SOS1: variants seen among roughly 807,000 people sequenced by gnomAD.
The protein encoded by SOS1 is SOS Ras/Rac guanine nucleotide exchange factor 1.
SOS1 carries 25 observed loss-of-function variants against 157.6 expected under a neutral mutation model. The ratio of observed to expected loss-of-function variants is 0.16; its 90% CI spans 0.12 to 0.22. The LOEUF is 0.22. Ranked by LOEUF, SOS1 falls within the 10% of genes least tolerant of loss-of-function variation. SOS1 has a pLI of 1.00. For missense variants in SOS1, 1,237 were observed against 1,599.1 expected (o/e 0.77, Z 3.86); for synonymous variants, 528 against 534.0 (o/e 0.99, Z 0.16).
intron 14 of SOS1, 148 bp from the exon 15 acceptor site, chr2:39,010,851 C>G: frequency 4.9e-6 from 3 of 610,246 alleles, no homozygotes; most frequent in Non-Finnish European, 8.6e-6. Context: ...CAAGGTATAA[C>G]AAAAAAGTGT....
intron 6 of SOS1, among the ~76,000 whole-genome samples, chr2:39,037,429 TCA>T (rs1670395368): frequency 6.6e-6 from 1 of 152,210 alleles, no homozygotes; most frequent in African/African-American, 2.4e-5. Flanking sequence ...ACAGTTCCTT[TCA>T]GTTTATTTTA....
chr2:39,110,563 A>G (rs1673387790), intron 1 of SOS1, among the ~76,000 whole-genome samples: 1 of 152,136 alleles, frequency 6.6e-6, no homozygotes, highest in South Asian at 2.1e-4. Context: ...AAAAAAAAAA[A>G]GAAGAGGGTT....
At chr2:39,057,255 TG>T (rs1671243746) in intron 3 of SOS1, among the ~76,000 whole-genome samples, 1 of 152,142 alleles carries the variant, frequency 6.6e-6, no homozygotes, top group Non-Finnish European at 1.5e-5. Flanking sequence ...AATATATTAT[TG>T]GTATCTAGGA....
chr2:38,995,695 T>C (rs1039092765), intron 19 of SOS1, among the ~76,000 whole-genome samples: 5 of 152,222 alleles, frequency 3.3e-5, no homozygotes, highest in Non-Finnish European at 5.9e-5. Flanking sequence ...TATATTTCCC[T>C]GGTTTTTAAA....
chr2:39,032,799 T>C (rs1324981749), intron 8 of SOS1, among the ~76,000 whole-genome samples: 5 of 151,982 alleles, frequency 3.3e-5, no homozygotes, highest in Non-Finnish European at 7.4e-5. Context: ...CTGTCTCTAC[T>C]AAAAATACAA....
At chr2:39,121,506 C>T (rs1425349172), upstream of SOS1, among the ~76,000 whole-genome samples, 1 of 152,144 alleles carries the variant, frequency 6.6e-6, no homozygotes, top group Non-Finnish European at 1.5e-5. Flanking sequence ...GTGGTCTTTC[C>T]ACAAAATAAT....
intron 17 of SOS1, among the ~76,000 whole-genome samples, chr2:39,002,896 A>G (rs1028710250): frequency 2.0e-5 from 3 of 151,912 alleles, no homozygotes; most frequent in Non-Finnish European, 2.9e-5. Flanking sequence ...GAAACCCTGT[A>G]TCTACAAAAA....
At chr2:39,003,976 TA>T (rs545294540) in intron 17 of SOS1, among the ~76,000 whole-genome samples, 2 of 151,602 alleles carry the variant, frequency 1.3e-5, no homozygotes, top group African/African-American at 4.8e-5. Context: ...TTAGGACAAT[TA>T]AAAAAAAATT....
At chr2:39,110,339 A>G (rs1673375671) in intron 1 of SOS1, among the ~76,000 whole-genome samples, 1 of 152,106 alleles carries the variant, frequency 6.6e-6, no homozygotes, top group African/African-American at 2.4e-5. Flanking sequence ...TATAGATGCA[A>G]TTTCCCCCCA....
intron 8 of SOS1, chr2:39,034,973 TAAAA>T (rs902767903): frequency 5.4e-6 from 3 of 551,192 alleles, no homozygotes; most frequent in Admixed American, 3.1e-5. Context: ...AAACCAAAAA[TAAAA>T]AAAAGAAAAA....
Position 39,051,008 on chromosome 2 carries a change from T to C in SOS1, c.864+136A>G. The C allele has an allele frequency of 1.8e-5, 15 of 816,074 alleles. 1 individual carries two copies. In the South Asian group the frequency reaches 2.0e-4, roughly 11 times the overall value. 50.6% of individuals were successfully genotyped at this position (816,074 alleles called of 1,614,324 possible). On this transcript the variant is annotated intron_variant, in intron 6 of 22. Transcript: ENST00000402219. The stretch of plus-strand genomic sequence containing the variant: ...GAAACATATGTTGACAATGACCCTA[T>C]GAAAAAGGAGCAATAACAGATAAAT...
At chr2:39,045,043 A>G (rs928169018) in intron 6 of SOS1, among the ~76,000 whole-genome samples, 2 of 152,156 alleles carry the variant, frequency 1.3e-5, no homozygotes, top group African/African-American at 4.8e-5. Context: ...TTATGTAAAG[A>G]GTTGTTATAC....
chr2:39,098,955 T>A (rs943689276), intron 1 of SOS1, among the ~76,000 whole-genome samples: 4 of 152,156 alleles, frequency 2.6e-5, no homozygotes, highest in African/African-American at 9.7e-5. Flanking sequence ...GCAAAGGATC[T>A]GAACAGATAT....
intron 1 of SOS1, among the ~76,000 whole-genome samples, chr2:39,097,510 T>C (rs1672813308): frequency 1.3e-5 from 2 of 152,174 alleles, no homozygotes; most frequent in Admixed American, 1.3e-4. Context: ...TTCTGATGCT[T>C]GATAAAGTTT....
chr2:39,022,804 T>A lies in SOS1; in HGVS notation c.1624A>T (p.Ile542Leu). 3 of 1,613,644 alleles carry A rather than the reference T, an allele frequency of 1.9e-6. No homozygotes were observed. Among genetic ancestry groups the A allele is most frequent in the Non-Finnish European group, 2.5e-6 (3 of 1,179,638 alleles). ...EEKNNWMAAL[I>L]SLQYRSTLER... ...AGTGTACTCCGGTACTGTAAAGATA[T>A]CAATGCTGCCATCCAATTGTTTTTC... is the stretch of plus-strand genomic sequence containing the variant. The change falls in exon 10 of 23, where the codon ATA becomes TTA. Residue 542 changes from isoleucine (I) to leucine (L), a missense_variant. This residue lies in a region of SOS1 where 210 missense variants were observed against 220.2 expected (regional missense o/e 0.95). Transcript: ENST00000402219.
At chr2:39,070,671 G>A (rs1033953846) in intron 1 of SOS1, among the ~76,000 whole-genome samples, 1 of 152,114 alleles carries the variant, frequency 6.6e-6, no homozygotes, top group African/African-American at 2.4e-5. Context: ...AAGAACTTAA[G>A]TATTTTAGAA....
intron 8 of SOS1, among the ~76,000 whole-genome samples, chr2:39,031,256 C>T (rs1670149790): frequency 6.6e-6 from 1 of 152,048 alleles, no homozygotes; most frequent in Non-Finnish European, 1.5e-5. Context: ...TTACAAGGAC[C>T]CAGCATACAA....
At chr2:39,042,957 A>G (rs1015065027) in intron 6 of SOS1, among the ~76,000 whole-genome samples, 1 of 152,118 alleles carries the variant, frequency 6.6e-6, no homozygotes, top group Non-Finnish European at 1.5e-5. Context: ...CTATATAGAT[A>G]ATTATATTGA....
At chr2:39,060,105 C>T (rs946528357) in intron 2 of SOS1, among the ~76,000 whole-genome samples, 5 of 151,986 alleles carry the variant, frequency 3.3e-5, no homozygotes, top group Admixed American at 6.5e-5. Context: ...TTTCTTTTTT[C>T]CAAGTTTATT....
Sources: allele counts gnomAD v4.1 joint callset (sites outside exome capture counted in the v4.1 genomes callset), GRCh38; gene constraint gnomAD v4.1.1; regional missense constraint gnomAD v4.1.1; transcripts MANE v1.5; gene names NCBI Gene and HGNC (gene_info 2026-07-23, HGNC 2026-07-21).